Variants in NEXN observed in about 807,000 individuals in gnomAD.
NEXN encodes the protein nexilin.
In NEXN, 65 loss-of-function variants were observed where a neutral mutation model predicts 92.6. The observed-to-expected ratio is 0.70, with a 90% confidence interval of 0.57 to 0.86. NEXN has a LOEUF of 0.86. Ranked by LOEUF, NEXN falls within the 40% of genes least tolerant of loss-of-function variation. The pLI, the probability that NEXN is intolerant of heterozygous loss-of-function variation, is 0.00. For synonymous variants in NEXN, 254 were observed against 242.5 expected (o/e 1.05, Z -0.44); for missense variants, 778 against 771.1 (o/e 1.01, Z -0.11).
At chr1:77,934,343 G>T (rs914849705) in intron 10 of NEXN, among the ~76,000 whole-genome samples, 2 of 151,828 alleles carry the variant, frequency 1.3e-5, no homozygotes, top group African/African-American at 2.4e-5. Flanking sequence ...TGGGGTGATC[G>T]CACTTTATTG....
At chr1:77,930,451 T>C (rs1237546801) in intron 9 of NEXN, among the ~76,000 whole-genome samples, 3 of 152,336 alleles carry the variant, frequency 2.0e-5, no homozygotes, top group East Asian at 3.9e-4. Context: ...ATTAACTTGC[T>C]TTCTTACCTG....
chr1:77,910,255 A>C (rs1203841863), intron 1 of NEXN, among the ~76,000 whole-genome samples: 1 of 152,218 alleles, frequency 6.6e-6, no homozygotes, highest in African/African-American at 2.4e-5. Flanking sequence ...TATTTCTCCT[A>C]AGATCAGGAA....
At position 77,914,116 on chromosome 1, in the gene NEXN, T is replaced by G. The variant is rs377047838; in HGVS notation, c.-52-1939T>G. ...TAAGTAAGTGGAGTAAAGAGGACTT[T>G]TAGGTCAGTGAAACTGCTCTGTGCA... On this transcript the variant is annotated intron_variant, in intron 1 of 12. Coordinates refer to ENST00000334785, the MANE Select transcript of NEXN (RefSeq NM_144573.4). 2.3e-3 allele frequency among the ~76,000 whole-genome samples: 345 copies of G among 152,332 alleles called. 1 individual carries two copies. Among genetic ancestry groups the G allele is most frequent in the African/African-American group, 8.0e-3 (332 of 41,574 alleles).
chr1:77,942,224 A>G lies in NEXN; in HGVS notation c.1659+16A>G. 1 of 1,612,376 alleles carries G rather than the reference A, an allele frequency of 6.2e-7. No homozygotes were observed. The highest frequency in any genetic ancestry group is 1.1e-5 in the South Asian group (1 of 91,016). Reference sequence around the variant, plus strand: ...ACTACAAAAGGTACCAGGCTTATGTATCCTTTATTTTCCAAAGATGCCCTC... The same window carrying G: ...ACTACAAAAGGTACCAGGCTTATGTGTCCTTTATTTTCCAAAGATGCCCTC... On this transcript the variant is annotated intron_variant, in intron 12 of 12. Coordinates refer to ENST00000334785, the MANE Select transcript of NEXN (RefSeq NM_144573.4).
intron 11 of NEXN, among the ~76,000 whole-genome samples, chr1:77,939,946 C>T (rs1390788410): frequency 2.6e-5 from 4 of 152,086 alleles, no homozygotes; most frequent in Admixed American, 6.5e-5. Flanking sequence ...TGGTGGCAGA[C>T]GCCTATAATC....
intron 11 of NEXN, among the ~76,000 whole-genome samples, chr1:77,941,558 A>C (rs1651311017): frequency 6.6e-6 from 1 of 152,112 alleles, no homozygotes; most frequent in East Asian, 1.9e-4. Context: ...TTCACCATCA[A>C]TACATTATTT....
At chr1:77,933,673 A>G (rs1230447543) in intron 10 of NEXN, among the ~76,000 whole-genome samples, 194 bp downstream of exon 10, 1 of 152,182 alleles carries the variant, frequency 6.6e-6, no homozygotes, top group Non-Finnish European at 1.5e-5. Context: ...CTTCCTTGCT[A>G]GTTTAATAAA....
rs1651461954 is a variant in NEXN, at chr1:77,942,556, G to A, written c.1755G>A (p.Lys585=). Residue 585 remains lysine (K), a synonymous_variant, in exon 13 of 13, where the codon AAG becomes AAA. Transcript: ENST00000334785. ...EQTRSGAPWF[K]KPLKNTSVVD... is the part of the protein sequence containing the mutation. ...CCAGATCAGGAGCTCCATGGTTCAA[G>A]AAGCCTCTTAAAAACACATCAGTTG... The A allele has an allele frequency of 1.9e-6, 3 of 1,613,878 alleles. No homozygotes were observed. Among genetic ancestry groups the A allele is most frequent in the Non-Finnish European group, 2.5e-6 (3 of 1,179,820 alleles).
At chr1:77,933,583 T>G (rs575757155) in intron 10 of NEXN, 104 bp downstream of exon 10, 4 of 917,250 alleles carry the variant, frequency 4.4e-6, no homozygotes, top group South Asian at 1.5e-5. Context: ...TTTAGGATAG[T>G]TGACATAGTA....
intron 1 of NEXN, among the ~76,000 whole-genome samples, chr1:77,899,697 CAA>C (rs1162079112): frequency 1.3e-5 from 2 of 151,600 alleles, no homozygotes; most frequent in African/African-American, 4.8e-5. Context: ...AAAAAACAAA[CAA>C]AAAAATTTAA....
At chr1:77,930,168 T>C (rs768161214) in intron 9 of NEXN, among the ~76,000 whole-genome samples, 5 of 152,236 alleles carry the variant, frequency 3.3e-5, no homozygotes, top group Admixed American at 2.0e-4. Flanking sequence ...TTTGGTGATA[T>C]CGTAACCTGG....
Position 77,918,019 on chromosome 1 carries a change from T to C in NEXN, c.279T>C (p.Ala93=). 5.0e-6 allele frequency: 8 copies of C among 1,613,620 alleles called. No individual in the cohort carries two copies. The highest frequency in any genetic ancestry group is 5.9e-6 in the Non-Finnish European group (7 of 1,179,636). The change falls in exon 4 of 13, where the codon GCT becomes GCC. Residue 93 remains alanine (A), a synonymous_variant. Coordinates refer to ENST00000334785, the MANE Select transcript of NEXN (RefSeq NM_144573.4). ...EEDVSSKVEK[A]YVPKLTGTVK... is the part of the protein sequence containing the mutation. The stretch of plus-strand genomic sequence containing the variant: ...ATGTATCTTCTAAAGTAGAAAAGGC[T>C]TATGTTCCAAAATTAACAGGTAAGA...
chr1:77,908,686 C>T (rs1233997187), intron 1 of NEXN, among the ~76,000 whole-genome samples: 1 of 152,120 alleles, frequency 6.6e-6, no homozygotes, highest in East Asian at 1.9e-4. Flanking sequence ...AGGCATGAGC[C>T]ACCACAATTG....
intron 5 of NEXN, among the ~76,000 whole-genome samples, chr1:77,922,051 AACC>A (rs1274554181): frequency 6.6e-6 from 1 of 152,048 alleles, no homozygotes; most frequent in Admixed American, 6.6e-5. Flanking sequence ...TACAGGCATG[AACC>A]ACCATGTCCA....
intron 1 of NEXN, among the ~76,000 whole-genome samples, chr1:77,901,796 G>A (rs551321404): frequency 6.6e-6 from 1 of 152,278 alleles, no homozygotes; most frequent in African/African-American, 2.4e-5. Context: ...TAGAGATGGT[G>A]TCTCACTATG....
intron 5 of NEXN, among the ~76,000 whole-genome samples, chr1:77,919,060 C>T (rs1486226593): frequency 1.3e-5 from 2 of 152,136 alleles, no homozygotes; most frequent in Admixed American, 6.5e-5. Context: ...GCTGAGGAGT[C>T]CTCAGAATCA....
Position 77,935,806 on chromosome 1 carries a change from A to G in NEXN, c.1252-17A>G, listed in dbSNP as rs1650704803. On this transcript the variant is annotated splice_polypyrimidine_tract_variant and intron_variant, in intron 10 of 12. Coordinates refer to ENST00000334785, the MANE Select transcript of NEXN (RefSeq NM_144573.4). ...TCTCAAAAACAGCAGCAACAAACTTATTAATTTTTTTTGAAGGAAGAGGAA... is the reference window on the plus strand; with the variant it reads ...TCTCAAAAACAGCAGCAACAAACTTGTTAATTTTTTTTGAAGGAAGAGGAA... The G allele has an allele frequency of 6.2e-7, 1 of 1,603,412 alleles. No homozygotes were observed. Among genetic ancestry groups the G allele is most frequent in the Non-Finnish European group, 8.5e-7 (1 of 1,172,728 alleles).
In NEXN at chr1:77,926,891, T is replaced by C; in HGVS notation, c.863T>C (p.Met288Thr). ...GCTTTTGAAGAAGCAAGGCGGCAAA[T>C]GGTAAATCTACATATTTAAACCTTA... ...KRAFEEARRQ[M>T]VNEDEENQDT... is the part of the protein sequence containing the mutation. The change falls in exon 8 of 13, where the codon ATG becomes ACG. Residue 288 changes from methionine (M) to threonine (T), a missense_variant and splice_region_variant. Met to Thr is a moderately conservative substitution (Grantham distance 81). Coordinates refer to ENST00000334785, the MANE Select transcript of NEXN (RefSeq NM_144573.4). 6.2e-7 allele frequency: 1 copy of C among 1,613,818 alleles called. No homozygotes were observed. Among genetic ancestry groups the C allele is most frequent in the Non-Finnish European group, 8.5e-7 (1 of 1,179,974 alleles).
At chr1:77,890,499 T>C (rs1275536762) in intron 1 of NEXN, among the ~76,000 whole-genome samples, 1 of 152,226 alleles carries the variant, frequency 6.6e-6, no homozygotes, top group African/African-American at 2.4e-5. Flanking sequence ...ATGTATGTCA[T>C]CTTGAGATGA....
Sources: gnomAD v4.1 joint callset for allele counts (sites outside exome capture counted in the v4.1 genomes callset) on GRCh38, gnomAD v4.1.1 for gene constraint, MANE v1.5 for transcripts, NCBI Gene and HGNC (gene_info 2026-07-23, HGNC 2026-07-21) for gene names.